INO80: variants seen among roughly 807,000 people sequenced by gnomAD.
INO80 encodes the protein chromatin-remodeling ATPase INO80.
Under a neutral mutation model 203.4 loss-of-function variants are expected in INO80, and 20 were observed. The observed-to-expected ratio is 0.10, with a 90% CI of 0.07 to 0.14. The LOEUF is 0.14. Ranked by LOEUF, INO80 falls within the 10% of genes least tolerant of loss-of-function variation. The pLI, the probability that INO80 is intolerant of heterozygous loss-of-function variation, is 1.00. For missense variants in INO80, 1,419 were observed against 1,914.4 expected (o/e 0.74, Z 4.83); for synonymous variants, 726 against 685.2 (o/e 1.06, Z -0.93).
intron 24 of INO80, among the ~76,000 whole-genome samples, chr15:41,042,338 T>C (rs182844134): frequency 6.6e-6 from 1 of 151,562 alleles, no homozygotes; most frequent in East Asian, 2.0e-4. Context: ...TTTTAGTAGA[T>C]ATGGGGTCTC....
chr15:41,024,006 C>A (rs1439831334), intron 25 of INO80, among the ~76,000 whole-genome samples: 2 of 151,980 alleles, frequency 1.3e-5, no homozygotes, highest in East Asian at 3.9e-4. Flanking sequence ...AACAGAGAAA[C>A]AGGAAAAATG....
At position 41,079,762 on chromosome 15, in the gene INO80, T is replaced by C; in HGVS notation, c.1070A>G (p.His357Arg). Reference sequence around the variant, plus strand: ...AGCTTCCTTCTCTGCTCTCTTGCGGTGCTCCTTCTCTACTTTCTCATATTT... The same window carrying C: ...AGCTTCCTTCTCTGCTCTCTTGCGGCGCTCCTTCTCTACTTTCTCATATTT... ...WKKYEKVEKE[H>R]RKRAEKEALE... The change falls in exon 9 of 36, where the codon CAC (histidine) becomes CGC (arginine). Residue 357 changes from histidine to arginine, a missense_variant. Physicochemically the swap from His to Arg is conservative, Grantham distance 29. Coordinates refer to ENST00000648947, the MANE Select transcript of INO80 (RefSeq NM_017553.3). 6.2e-7 allele frequency: 1 copy of C among 1,614,188 alleles called. No individual in the cohort carries two copies. Among genetic ancestry groups the C allele is most frequent in the Non-Finnish European group, 8.5e-7 (1 of 1,180,036 alleles).
At chr15:41,050,752 T>C (rs1300574776) in intron 19 of INO80, among the ~76,000 whole-genome samples, 1 of 152,192 alleles carries the variant, frequency 6.6e-6, no homozygotes, top group Non-Finnish European at 1.5e-5. Flanking sequence ...ACATATAGCT[T>C]ATAAAGGAAT....
intron 24 of INO80, among the ~76,000 whole-genome samples, chr15:41,031,998 GACAGCACAGCACAGCACAGCACAGC>G (rs1414668191): frequency 7.4e-5 from 4 of 53,862 alleles, no homozygotes; most frequent in African/African-American, 1.5e-4. Flanking sequence ...CACAGCACAG[GACAGCACAGCACAGCACAGCACAGC>G]ACAGCACAGC....
chr15:41,001,413 C>T (rs962548689), intron 28 of INO80, among the ~76,000 whole-genome samples: 2 of 152,154 alleles, frequency 1.3e-5, no homozygotes, highest in South Asian at 4.1e-4. Flanking sequence ...TAGCTGACTG[C>T]AGTAAAGGCT....
chr15:41,108,365 G>A (rs28664602), intron 1 of INO80, among the ~76,000 whole-genome samples: 79,705 of 151,620 alleles, frequency 0.53, 21,739 homozygotes, highest in East Asian at 0.79. Flanking sequence ...CGAGGCAGGC[G>A]GATCACAAGG....
At chr15:41,068,952 G>A (rs1253502340) in intron 14 of INO80, among the ~76,000 whole-genome samples, 2 of 152,072 alleles carry the variant, frequency 1.3e-5, no homozygotes, top group African/African-American at 2.4e-5. Flanking sequence ...TAAATGATAG[G>A]ATGTGTACTG....
Position 41,116,042 on chromosome 15 carries a change from G to T in INO80, c.-113C>A, listed in dbSNP as rs1031541267. On this transcript the variant is annotated 5_prime_UTR_variant, in exon 1 of 36. Coordinates refer to ENST00000648947, the MANE Select transcript of INO80 (RefSeq NM_017553.3). ...GCGGGGTGCGGGCGGGGTCCGGAGG[G>T]GGGGGTCGCCCCGCCGACGGTGGAG... is the stretch of plus-strand genomic sequence containing the variant. 1.3e-5 allele frequency: 5 copies of T among 394,504 alleles called. No homozygotes were observed. Among genetic ancestry groups the T allele is most frequent in the East Asian group, 1.1e-4 (3 of 27,782 alleles). 24.4% of individuals were successfully genotyped at this position (394,504 alleles called of 1,614,324 possible). A position where few individuals can be genotyped will look rare whatever the true frequency, so the allele number is the denominator to read the frequency against.
intron 1 of INO80, among the ~76,000 whole-genome samples, chr15:41,113,058 G>A (rs2045980620): frequency 1.3e-5 from 2 of 151,472 alleles, no homozygotes; most frequent in African/African-American, 4.9e-5. Context: ...TGGGACTACA[G>A]GTGCACATCA....
intron 14 of INO80, among the ~76,000 whole-genome samples, chr15:41,062,360 GGGAGGCTGA>G (rs2045127836): frequency 1.3e-5 from 2 of 152,082 alleles, no homozygotes; most frequent in African/African-American, 4.8e-5. Context: ...TCAGCACTCT[GGGAGGCTGA>G]GGCGGATGGA....
chr15:41,067,826 A>G (rs2045247001), intron 14 of INO80, among the ~76,000 whole-genome samples: 1 of 152,222 alleles, frequency 6.6e-6, no homozygotes, highest in Non-Finnish European at 1.5e-5. Context: ...TACTATCTTA[A>G]CTGTGCAACT....
chr15:41,011,072 T>G (rs753616564), intron 27 of INO80, among the ~76,000 whole-genome samples: 41 of 152,330 alleles, frequency 2.7e-4, no homozygotes, highest in Admixed American at 4.6e-4. Context: ...TAATCTGACT[T>G]CAACCTACTC....
At chr15:41,026,295 G>A (rs1176956124) in intron 25 of INO80, among the ~76,000 whole-genome samples, 1 of 152,206 alleles carries the variant, frequency 6.6e-6, no homozygotes, top group African/African-American at 2.4e-5. Context: ...GCTCACATCT[G>A]TGATCCCAGC....
intron 28 of INO80, among the ~76,000 whole-genome samples, chr15:41,003,713 GAAAAAC>G (rs1307890903): frequency 6.6e-6 from 1 of 152,062 alleles, no homozygotes; most frequent in African/African-American, 2.4e-5. Context: ...TGTTACTGAA[GAAAAAC>G]AAAACATTAC....
chr15:40,986,142 T>C (rs2043729409), intron 31 of INO80, among the ~76,000 whole-genome samples: 1 of 151,840 alleles, frequency 6.6e-6, no homozygotes, highest in East Asian at 1.9e-4. Context: ...GGGAGGAGGG[T>C]TTGTATGGTT....
intron 24 of INO80, among the ~76,000 whole-genome samples, chr15:41,044,612 A>G (rs2044721936): frequency 6.6e-6 from 1 of 152,328 alleles, no homozygotes; most frequent in African/African-American, 2.4e-5. Flanking sequence ...CTATATATTG[A>G]TCTAGGTGGT....
In INO80 at chr15:40,980,435, A is replaced by G. The variant is rs1011188905; in HGVS notation, c.4459T>C (p.Ser1487Pro). The G allele has an allele frequency of 6.2e-7, 1 of 1,612,388 alleles. No homozygotes were observed. The highest frequency in any genetic ancestry group is 8.5e-7 in the Non-Finnish European group (1 of 1,179,516). Residue 1487 changes from serine (S) to proline (P), a missense_variant, in exon 36 of 36, where the codon TCC (serine) becomes CCC (proline). Transcript: ENST00000648947. ...AYGYNVSKGI[S>P]ASSPLQTSLV... The stretch of plus-strand genomic sequence containing the variant: ...GATGTCTGCAGAGGACTGCTGGCGG[A>G]GATTCCTGTGGGGACGGAGAGAGAC...
chr15:41,047,931 G>T lies in INO80; in HGVS notation c.2641+281C>A, dbSNP rs1158709683. ...CTCATTAATGAGACAGTCCAGCACC[G>T]ACTTTGTCAAGTTTCAAGGGCAAGA... On this transcript the variant is annotated intron_variant, in intron 22 of 35. Coordinates refer to ENST00000648947, the MANE Select transcript of INO80 (RefSeq NM_017553.3). 2.6e-5 allele frequency among the ~76,000 whole-genome samples: 4 copies of T among 152,132 alleles called. No homozygotes were observed. The East Asian group carries it at 7.7e-4, about 29-fold the overall frequency.
chr15:41,002,200 C>T (rs1293946803), intron 28 of INO80, among the ~76,000 whole-genome samples: 3 of 152,128 alleles, frequency 2.0e-5, no homozygotes, highest in Non-Finnish European at 4.4e-5. Flanking sequence ...TCACTGTTAC[C>T]TAAGTAATTC....
Sources: gnomAD v4.1 joint callset for allele counts (sites outside exome capture counted in the v4.1 genomes callset) on GRCh38, gnomAD v4.1.1 for gene constraint, MANE v1.5 for transcripts, NCBI Gene and HGNC (gene_info 2026-07-23, HGNC 2026-07-21) for gene names.